The following CHN2 variants were observed in gnomAD, a reference collection of about 807,000 sequenced individuals.
CHN2 encodes beta-chimaerin.
In CHN2, 35 loss-of-function variants were observed where a neutral mutation model predicts 56.3. The observed-to-expected ratio is 0.62, with a 90% CI of 0.47 to 0.82. The LOEUF (loss-of-function observed/expected upper bound fraction) is 0.82. Among genes scored for constraint, CHN2 ranks in the 40% least tolerant of loss-of-function variants. CHN2 has a pLI of 0.00. For missense variants in CHN2, 491 were observed against 580.5 expected, an observed-to-expected ratio of 0.85 and a Z score of 1.58; for synonymous variants, 210 against 212.8, an observed-to-expected ratio of 0.99 and a Z score of 0.12.
chr7:29,194,934 G>T lies in CHN2; in HGVS notation c.-8G>T. On this transcript the variant is annotated 5_prime_UTR_variant, in exon 1 of 13. Coordinates refer to ENST00000222792, the MANE Select transcript of CHN2 (RefSeq NM_004067.4). ...CTGAGCGAGCAGCGACGCGAGGGGC[G>T]CGCGGAGATGGCAGCGTCCAGCAAC... 6 of 1,565,876 alleles carry T rather than the reference G, an allele frequency of 3.8e-6. No individual in the cohort carries two copies. The highest frequency in any genetic ancestry group is 5.2e-6 in the Non-Finnish European group (6 of 1,160,134).
chr7:29,417,460 C>T (rs895440331), intron 6 of CHN2, among the ~76,000 whole-genome samples: 1 of 151,658 alleles, frequency 6.6e-6, no homozygotes, highest in Non-Finnish European at 1.5e-5. Context: ...CTCAGCCTCC[C>T]GAGTAGCTAG....
At chr7:29,413,082 G>A (rs993753524) in intron 6 of CHN2, among the ~76,000 whole-genome samples, 96 of 152,184 alleles carry the variant, frequency 6.3e-4, no homozygotes, top group African/African-American at 2.1e-3. Flanking sequence ...CGGGTCTTAT[G>A]ATGATAGTTT....
intron 1 of CHN2, among the ~76,000 whole-genome samples, chr7:29,307,221 C>G (rs1405735823): frequency 1.3e-5 from 2 of 152,168 alleles, no homozygotes; most frequent in African/African-American, 4.8e-5. Context: ...CTCTTTTATA[C>G]ATTTTTAAAA....
intron 1 of CHN2, among the ~76,000 whole-genome samples, chr7:29,238,608 C>A (rs1037472862): frequency 7.9e-5 from 12 of 151,888 alleles, no homozygotes; most frequent in Admixed American, 1.3e-4. Context: ...CTGAGAGTTA[C>A]AACAACAACA....
intron 1 of CHN2, among the ~76,000 whole-genome samples, chr7:29,254,626 C>G (rs559690415): frequency 6.6e-6 from 1 of 152,086 alleles, no homozygotes; most frequent in Non-Finnish European, 1.5e-5. Context: ...TAGTAACTCC[C>G]TTGTCACCAC....
At chr7:29,212,299 A>T in intron 1 of CHN2, 5 of 1,194,762 alleles carry the variant, frequency 4.2e-6, no homozygotes, top group Non-Finnish European at 6.2e-6. Flanking sequence ...CTCAATACTA[A>T]CATGAGTGTG....
chr7:29,221,907 T>G (rs1184025703), intron 1 of CHN2, among the ~76,000 whole-genome samples: 1 of 152,222 alleles, frequency 6.6e-6, no homozygotes, highest in East Asian at 1.9e-4. Flanking sequence ...TTGTGAATAG[T>G]GCTGCAGTGA....
At chr7:29,474,920 T>G (rs1438165540) in intron 6 of CHN2, among the ~76,000 whole-genome samples, 1 of 152,108 alleles carries the variant, frequency 6.6e-6, no homozygotes, top group Non-Finnish European at 1.5e-5. Flanking sequence ...GAGGAGCCAT[T>G]GCTTAGATGA....
At chr7:29,232,169 T>C (rs1357423149) in intron 1 of CHN2, among the ~76,000 whole-genome samples, 2 of 152,206 alleles carry the variant, frequency 1.3e-5, no homozygotes, top group African/African-American at 4.8e-5. Flanking sequence ...TAGGACGTTT[T>C]ATGAGGACTT....
intron 6 of CHN2, among the ~76,000 whole-genome samples, chr7:29,449,722 T>C (rs1204617373): frequency 2.0e-5 from 3 of 152,232 alleles, no homozygotes; most frequent in Non-Finnish European, 4.4e-5. Flanking sequence ...ATTGACATTA[T>C]AGTGGTTGGG....
intron 1 of CHN2, among the ~76,000 whole-genome samples, chr7:29,225,787 C>T (rs1786142601): frequency 6.6e-6 from 1 of 152,100 alleles, no homozygotes; most frequent in Non-Finnish European, 1.5e-5. Flanking sequence ...GGAAAAGATG[C>T]CTTGCCTCAC....
intron 1 of CHN2, among the ~76,000 whole-genome samples, chr7:29,232,480 A>C (rs1786792551): frequency 6.6e-6 from 1 of 152,162 alleles, no homozygotes; most frequent in South Asian, 2.1e-4. Flanking sequence ...AATATTCTCT[A>C]GCTCTCCTTT....
chr7:29,323,239 A>T (rs901256663), intron 1 of CHN2, among the ~76,000 whole-genome samples: 3 of 150,358 alleles, frequency 2.0e-5, no homozygotes, highest in Non-Finnish European at 4.4e-5. Flanking sequence ...TTCGCAGAGC[A>T]CATCAACATC....
chr7:29,501,690 T>C (rs768520814), intron 9 of CHN2, among the ~76,000 whole-genome samples: 2 of 152,136 alleles, frequency 1.3e-5, no homozygotes, highest in Non-Finnish European at 2.9e-5. Context: ...GGCCTAAGCA[T>C]GCAAGCAGAA....
At chr7:29,336,584 C>A (rs1035831790) in intron 1 of CHN2, among the ~76,000 whole-genome samples, 2 of 150,394 alleles carry the variant, frequency 1.3e-5, no homozygotes, top group African/African-American at 2.4e-5. Flanking sequence ...ATAGTGAGAC[C>A]CTGTCTCTAC....
At chr7:29,156,970 G>A (rs970677213) in intron 2 of CHN2, among the ~76,000 whole-genome samples, 15 of 152,048 alleles carry the variant, frequency 9.9e-5, no homozygotes, top group Admixed American at 3.3e-4. Flanking sequence ...GCTACCCTTC[G>A]AGCTCAATTT....
At chr7:29,292,888 C>T (rs1010741621) in intron 1 of CHN2, 3 of 456,160 alleles carry the variant, frequency 6.6e-6, no homozygotes, top group Admixed American at 4.7e-5. Context: ...TTACAATAAC[C>T]TCTTAACTGG....
chr7:29,176,020 A>T (rs1797275649), intron 2 of CHN2, among the ~76,000 whole-genome samples: 1 of 152,128 alleles, frequency 6.6e-6, no homozygotes, highest in Non-Finnish European at 1.5e-5. Context: ...CCCCGTCTCT[A>T]CTAAAAATAC....
rs1583470986 is a variant in CHN2 at position 29,513,888 on chromosome 7, T to C, written c.*1153T>C. The C allele has an allele frequency of 6.6e-6, 1 of 152,644 alleles. No individual in the cohort carries two copies. The highest frequency in any genetic ancestry group is 1.9e-4 in the East Asian group (1 of 5,206). The allele number at this position is 152,644 out of a possible 1,614,324, so 9.5% of individuals were successfully genotyped here. On this transcript the variant is annotated 3_prime_UTR_variant, in exon 13 of 13. Coordinates refer to ENST00000222792, the MANE Select transcript of CHN2 (RefSeq NM_004067.4). Reference sequence around the variant, plus strand: ...GTTATATTTATCTTAGCATGAGCCTTTCACACCAAGATTTCTATATTTTGT... The same window carrying C: ...GTTATATTTATCTTAGCATGAGCCTCTCACACCAAGATTTCTATATTTTGT...
Sources: gnomAD v4.1 joint callset for allele counts (sites outside exome capture counted in the v4.1 genomes callset) on GRCh38, gnomAD v4.1.1 for gene constraint, MANE v1.5 for transcripts, NCBI Gene and HGNC (gene_info 2026-07-23, HGNC 2026-07-21) for gene names.